The following RBFOX1 variants were observed in gnomAD, a reference collection of about 807,000 sequenced individuals.
RBFOX1 encodes RNA binding fox-1 homolog 1.
Under a neutral mutation model 57.7 loss-of-function variants are expected in RBFOX1, and 8 were observed. That is an observed-to-expected ratio of 0.14 (90% confidence interval 0.08 to 0.25). The LOEUF (loss-of-function observed/expected upper bound fraction) is 0.25. Among genes scored for constraint, RBFOX1 ranks in the 10% least tolerant of loss-of-function variants. The pLI is 1.00. For synonymous variants in RBFOX1, 326 were observed against 222.4 expected, an observed-to-expected ratio of 1.47 and a Z score of -4.15; for missense variants, 611 against 548.5, an observed-to-expected ratio of 1.11 and a Z score of -1.14.
At chr16:6,870,879 G>A (rs1460216216) in intron 3 of RBFOX1, among the ~76,000 whole-genome samples, 1 of 152,124 alleles carries the variant, frequency 6.6e-6, no homozygotes, top group African/African-American at 2.4e-5. Context: ...AACTTTGAGA[G>A]ACTTGAATTA....
intron 4 of RBFOX1, among the ~76,000 whole-genome samples, chr16:5,991,573 G>A (rs2060397987): frequency 2.0e-5 from 3 of 152,060 alleles, no homozygotes; most frequent in African/African-American, 7.2e-5. Context: ...CTCAATGATC[G>A]CAGTGGAGCA....
intron 2 of RBFOX1, among the ~76,000 whole-genome samples, chr16:6,496,583 G>C (rs757058238): frequency 6.6e-6 from 1 of 152,078 alleles, no homozygotes; most frequent in African/African-American, 2.4e-5. Context: ...ATTGCCCCTC[G>C]TCGAACTGGG....
chr16:5,658,511 C>T (rs529021356), intron 3 of RBFOX1, among the ~76,000 whole-genome samples: 3 of 152,120 alleles, frequency 2.0e-5, no homozygotes, highest in East Asian at 3.9e-4. Context: ...TCCAATTTAA[C>T]TCACTCTGTA....
At chr16:7,058,792 G>C (rs192583514) in intron 4 of RBFOX1, among the ~76,000 whole-genome samples, 27 of 152,070 alleles carry the variant, frequency 1.8e-4, no homozygotes, top group Admixed American at 7.9e-4. Context: ...AAGTTTCCTT[G>C]GCACACATCG....
At chr16:7,077,801 A>G (rs1458645770) in intron 4 of RBFOX1, among the ~76,000 whole-genome samples, 11 of 152,170 alleles carry the variant, frequency 7.2e-5, no homozygotes, top group Admixed American at 6.5e-4. Flanking sequence ...TGAGGTTTTG[A>G]TATAAACAAA....
chr16:5,476,087 G>C (rs987506017), intron 2 of RBFOX1, among the ~76,000 whole-genome samples: 4 of 152,060 alleles, frequency 2.6e-5, no homozygotes, highest in Non-Finnish European at 4.4e-5. Context: ...CCTTCTCTTA[G>C]ACTTATGTTA....
chr16:7,169,783 A>G (rs543053551), intron 4 of RBFOX1, among the ~76,000 whole-genome samples: 42 of 151,974 alleles, frequency 2.8e-4, no homozygotes, highest in African/African-American at 8.7e-4. Flanking sequence ...TTAAAAATGT[A>G]TAATTGCAGG....
intron 3 of RBFOX1, among the ~76,000 whole-genome samples, chr16:5,797,910 C>G (rs908318094): frequency 9.9e-5 from 15 of 152,112 alleles, no homozygotes; most frequent in African/African-American, 3.6e-4. Context: ...ACTCCATCTG[C>G]TTGAGGTTAA....
At chr16:7,553,643 C>T (rs891410153) in intron 5 of RBFOX1, among the ~76,000 whole-genome samples, 2 of 152,196 alleles carry the variant, frequency 1.3e-5, no homozygotes, top group Non-Finnish European at 2.9e-5. Flanking sequence ...GTGCACAACT[C>T]ATTTCAGAAG....
At chr16:7,509,940 C>G (rs1039376633) in intron 4 of RBFOX1, among the ~76,000 whole-genome samples, 2 of 149,864 alleles carry the variant, frequency 1.3e-5, no homozygotes, top group African/African-American at 4.9e-5. Flanking sequence ...GTTTTTTAAA[C>G]AGCTATTAAT....
At chr16:7,134,570 T>G (rs2071394287) in intron 4 of RBFOX1, among the ~76,000 whole-genome samples, 1 of 152,200 alleles carries the variant, frequency 6.6e-6, no homozygotes, top group South Asian at 2.1e-4. Flanking sequence ...TAGCCTATTT[T>G]CTTAATTATA....
chr16:7,162,722 G>A (rs1459075251), intron 4 of RBFOX1, among the ~76,000 whole-genome samples: 5 of 151,952 alleles, frequency 3.3e-5, no homozygotes, highest in East Asian at 1.9e-4. Flanking sequence ...GAGTGAGACC[G>A]TAGCTCAAAA....
intron 3 of RBFOX1, among the ~76,000 whole-genome samples, chr16:6,846,291 A>G (rs527647766): frequency 6.6e-6 from 1 of 152,162 alleles, no homozygotes; most frequent in Non-Finnish European, 1.5e-5. Context: ...ATTCCGTGTC[A>G]TCAAGAAACA....
At chr16:7,600,347 G>C (rs560524915) in intron 9 of RBFOX1, among the ~76,000 whole-genome samples, 2 of 152,246 alleles carry the variant, frequency 1.3e-5, no homozygotes, top group Non-Finnish European at 2.9e-5. Flanking sequence ...GAGAACTTTG[G>C]TGTTCAAAGA....
chr16:5,912,387 C>A (rs1050647016), intron 4 of RBFOX1, among the ~76,000 whole-genome samples: 1 of 152,168 alleles, frequency 6.6e-6, no homozygotes, highest in Admixed American at 6.5e-5. Context: ...AGAAGCTGAG[C>A]AGCTTTGCAC....
intron 4 of RBFOX1, among the ~76,000 whole-genome samples, chr16:7,261,212 T>C (rs2094906832): frequency 6.6e-6 from 1 of 152,228 alleles, no homozygotes; most frequent in Non-Finnish European, 1.5e-5. Context: ...GTCACTTAGC[T>C]TCTCTGAGCC....
At chr16:6,325,943 T>G (rs1228662327) in intron 2 of RBFOX1, among the ~76,000 whole-genome samples, 1 of 152,190 alleles carries the variant, frequency 6.6e-6, no homozygotes. Context: ...ACAGTAACAA[T>G]GATTGCTGTT....
intron 1 of RBFOX1, among the ~76,000 whole-genome samples, chr16:5,440,902 G>A (rs1048027272): frequency 1.7e-4 from 26 of 152,122 alleles, no homozygotes; most frequent in Admixed American, 2.0e-4. Context: ...AGTGATTTTC[G>A]AAAGGTCACG....
intron 4 of RBFOX1, among the ~76,000 whole-genome samples, chr16:7,496,151 G>C (rs1599975429): frequency 6.6e-6 from 1 of 152,056 alleles, no homozygotes. Context: ...ATTTTATTTT[G>C]TTTTACTTTT....
Sources: gnomAD v4.1 joint callset for allele counts (sites outside exome capture counted in the v4.1 genomes callset) on GRCh38, gnomAD v4.1.1 for gene constraint, MANE v1.5 for transcripts, NCBI Gene and HGNC (gene_info 2026-07-23, HGNC 2026-07-21) for gene names.